The following GLIS3 variants were observed in gnomAD, a reference collection of about 807,000 sequenced individuals.
GLIS3 encodes the protein zinc finger protein GLIS3.
GLIS3 carries 53 observed loss-of-function variants against 78.6 expected under a neutral mutation model. That is an observed-to-expected ratio of 0.67 (90% CI 0.54 to 0.85). The LOEUF (loss-of-function observed/expected upper bound fraction) is 0.85. GLIS3 is among the 40% of genes least tolerant of loss of function. The probability of loss-of-function intolerance (pLI) is 0.00; values close to 1 mark genes in which losing one functional copy is unlikely to be tolerated. For synonymous variants in GLIS3, 684 were observed against 509.9 expected, an observed-to-expected ratio of 1.34 and a Z score of -4.60; for missense variants, 1,703 against 1,231.1, an observed-to-expected ratio of 1.38 and a Z score of -5.74.
At chr9:4,479,904 CTTTTTTTTT>C in the GLIS3 span, among the ~76,000 whole-genome samples, 3 of 108,716 alleles carry the variant, frequency 2.8e-5, no homozygotes, top group Non-Finnish European at 3.7e-5. Context: ...ATTTCTTCTT[CTTTTTTTTT>C]TTTTTTTTTT....
chr9:4,290,427 A>G (rs2130381758), intron 1 of GLIS3, among the ~76,000 whole-genome samples: 1 of 152,230 alleles, frequency 6.6e-6, no homozygotes, highest in East Asian at 1.9e-4. Context: ...ATGACTGTAT[A>G]ATTTCATTAA....
intron 4 of GLIS3, among the ~76,000 whole-genome samples, chr9:4,116,509 G>T (rs1831650737): frequency 6.6e-6 from 1 of 152,300 alleles, no homozygotes; most frequent in Admixed American, 6.5e-5. Context: ...CATTCCACAA[G>T]ACATTCTTAA....
chr9:4,047,569 C>G (rs1387131990), intron 4 of GLIS3, among the ~76,000 whole-genome samples: 1 of 152,176 alleles, frequency 6.6e-6, no homozygotes, highest in Non-Finnish European at 1.5e-5. Context: ...ATTTTAGCTT[C>G]ACAAATAATA....
chr9:4,341,964 A>G (rs963241673), intron 2 of GLIS3, among the ~76,000 whole-genome samples: 1 of 151,594 alleles, frequency 6.6e-6, no homozygotes, highest in Non-Finnish European at 1.5e-5. Context: ...TTGCTTGTTA[A>G]TTTGCTTAAG....
chr9:4,127,906 G>A (rs529420), intron 2 of GLIS3, among the ~76,000 whole-genome samples: 97,159 of 151,970 alleles, frequency 0.64, 31,333 homozygotes, highest in South Asian at 0.71. Flanking sequence ...AGCATCCAAG[G>A]AATACTACTT....
chr9:4,163,244 G>GCACACACACA (rs59165297), intron 2 of GLIS3, among the ~76,000 whole-genome samples: 4 of 151,656 alleles, frequency 2.6e-5, no homozygotes, highest in South Asian at 4.2e-4. Context: ...ATGTGCACTG[G>GCACACACACA]CACACACACA....
intron 2 of GLIS3, among the ~76,000 whole-genome samples, chr9:4,244,673 C>G (rs1823633074): frequency 6.6e-6 from 1 of 152,050 alleles, no homozygotes; most frequent in South Asian, 2.1e-4. Flanking sequence ...CTCCTGGGTT[C>G]AAGTGATTCT....
rs575439696 is a variant in GLIS3 at position 3,975,795 on chromosome 9, C to A, written c.1711-38606G>T. On this transcript the variant is annotated intron_variant, in intron 4 of 10. Coordinates refer to ENST00000381971, the MANE Select transcript of GLIS3 (RefSeq NM_001042413.2). ...AAGCTATCATCATATAAAGACCCCA[C>A]AGAAAACATCAAGAAATTCAAAACC... Among the ~76,000 whole-genome samples the A allele has an allele frequency of 1.7e-3, 265 of 152,276 alleles. 1 individual carries two copies. The highest frequency in any genetic ancestry group is 3.2e-3 in the Non-Finnish European group (219 of 68,010).
intron 6 of GLIS3, among the ~76,000 whole-genome samples, chr9:3,930,488 G>A (rs1648870431): frequency 1.3e-5 from 2 of 152,152 alleles, no homozygotes. Context: ...TTCAGTTAGT[G>A]CTTCAATAAT....
At chr9:4,249,731 TTCAG>T (rs1466276247) in intron 2 of GLIS3, among the ~76,000 whole-genome samples, 1 of 152,244 alleles carries the variant, frequency 6.6e-6, no homozygotes, top group African/African-American at 2.4e-5. Flanking sequence ...CTTTTGCCCA[TTCAG>T]TATGATATTG....
intron 2 of GLIS3, among the ~76,000 whole-genome samples, chr9:4,312,771 A>C (rs1817384919): frequency 6.6e-6 from 1 of 152,252 alleles, no homozygotes; most frequent in South Asian, 2.1e-4. Flanking sequence ...TGGGTATGCC[A>C]GCCCTGAGGG....
At chr9:4,311,529 G>T (rs1429325161) in intron 2 of GLIS3, among the ~76,000 whole-genome samples, 1 of 152,124 alleles carries the variant, frequency 6.6e-6, no homozygotes, top group African/African-American at 2.4e-5. Context: ...TACACAATAA[G>T]TTTCCGACCC....
intron 2 of GLIS3, among the ~76,000 whole-genome samples, chr9:4,315,115 C>A (rs1310579161): frequency 6.6e-6 from 1 of 152,238 alleles, no homozygotes; most frequent in Non-Finnish European, 1.5e-5. Flanking sequence ...ATACAACTCC[C>A]ACCAAAGAGA....
chr9:3,883,203 T>C (rs2380907), intron 7 of GLIS3, among the ~76,000 whole-genome samples: 31,087 of 152,222 alleles, frequency 0.2, 3,319 homozygotes, highest in African/African-American at 0.25. Context: ...CTTATCCTGA[T>C]TTCTAGGAAT....
At chr9:4,474,785 C>G in the GLIS3 span, among the ~76,000 whole-genome samples, 1 of 150,422 alleles carries the variant, frequency 6.6e-6, no homozygotes, top group Non-Finnish European at 1.5e-5. Flanking sequence ...CAGCCTCAAC[C>G]TCCCAGTCTC....
At chr9:4,260,927 T>C (rs1176843595) in intron 2 of GLIS3, among the ~76,000 whole-genome samples, 1 of 152,170 alleles carries the variant, frequency 6.6e-6, no homozygotes, top group Non-Finnish European at 1.5e-5. Flanking sequence ...GCAACAGAAA[T>C]GTGGCTACTT....
At chr9:4,417,452 C>T in the GLIS3 span, among the ~76,000 whole-genome samples, 2 of 152,268 alleles carry the variant, frequency 1.3e-5, no homozygotes, top group South Asian at 2.1e-4. Context: ...CTTAATGTAT[C>T]TTGGCAGTCT....
intron 4 of GLIS3, among the ~76,000 whole-genome samples, chr9:4,007,837 C>T (rs1160250690): frequency 7.6e-6 from 1 of 131,306 alleles, no homozygotes; most frequent in Admixed American, 1.0e-4. Flanking sequence ...CACAGACATT[C>T]GTAAGACTAT....
chr9:4,247,154 T>C (rs1023488321), intron 2 of GLIS3, among the ~76,000 whole-genome samples: 3 of 152,204 alleles, frequency 2.0e-5, no homozygotes, highest in Non-Finnish European at 4.4e-5. Context: ...CCCTCTGCCA[T>C]TCGTAAGTAT....
Sources: allele counts gnomAD v4.1 joint callset (sites outside exome capture counted in the v4.1 genomes callset), GRCh38; gene constraint gnomAD v4.1.1; transcripts MANE v1.5; gene names NCBI Gene and HGNC (gene_info 2026-07-23, HGNC 2026-07-21).